PCDH17: variants seen among roughly 807,000 people sequenced by gnomAD.
PCDH17 encodes the protein protocadherin-17.
PCDH17 carries 21 observed loss-of-function variants against 67.7 expected under a neutral mutation model. The ratio of observed to expected loss-of-function variants is 0.31; its 90% confidence interval spans 0.22 to 0.45. PCDH17 has a LOEUF of 0.45. PCDH17 is among the 20% of genes least tolerant of loss of function. The pLI is 1.00. For synonymous variants in PCDH17, 701 were observed against 656.7 expected, an observed-to-expected ratio of 1.07 and a Z score of -1.03; for missense variants, 1,471 against 1,564.8, an observed-to-expected ratio of 0.94 and a Z score of 1.01.
intron 1 of PCDH17, among the ~76,000 whole-genome samples, chr13:57,657,342 A>G (rs1343895097): frequency 6.6e-6 from 1 of 152,200 alleles, no homozygotes; most frequent in Non-Finnish European, 1.5e-5. Context: ...CTTTAGTAGC[A>G]AAACACAAAT....
At chr13:57,679,126 T>A (rs1345237559) in intron 3 of PCDH17, among the ~76,000 whole-genome samples, 1 of 151,474 alleles carries the variant, frequency 6.6e-6, no homozygotes, top group Non-Finnish European at 1.5e-5. Context: ...AGTAACAAAG[T>A]TACTTCAAGA....
Position 57,725,201 on chromosome 13 carries a change from C to G in PCDH17, c.3387C>G (p.Gly1129=). The G allele has an allele frequency of 6.2e-7, 1 of 1,613,512 alleles. No homozygotes were observed. The highest frequency in any genetic ancestry group is 8.5e-7 in the Non-Finnish European group (1 of 1,179,936). The change falls in exon 4 of 4, where the codon GGC becomes GGG. Residue 1129 remains glycine, a synonymous_variant. Transcript: ENST00000377918. ...TTGACCACCCCAACAGGGATCTGGG[C>G]AGAGAGTCTGTGGATGCAGAGGAAG... ...EQLDHPNRDL[G]RESVDAEEVV...
intron 3 of PCDH17, among the ~76,000 whole-genome samples, chr13:57,722,906 G>T (rs1049915856): frequency 2.0e-5 from 3 of 151,972 alleles, no homozygotes; most frequent in Admixed American, 1.3e-4. Flanking sequence ...ACTATACCTG[G>T]CCAATATTGA....
At chr13:57,710,797 T>C (rs1334660077) in intron 3 of PCDH17, among the ~76,000 whole-genome samples, 2 of 152,094 alleles carry the variant, frequency 1.3e-5, no homozygotes, top group East Asian at 1.9e-4. Flanking sequence ...TTTTTCTTGC[T>C]TTATTCATGC....
At position 57,723,948 on chromosome 13, in the gene PCDH17, C is replaced by G. The variant is rs546158193; in HGVS notation, c.2798-664C>G. On this transcript the variant is annotated intron_variant, in intron 3 of 3. Coordinates refer to ENST00000377918, the MANE Select transcript of PCDH17 (RefSeq NM_001040429.3). ...AAATGCATTTTCACCTACTTACACC[C>G]AAAACAAAAAGCTGAACAGAAAACT... 5.9e-5 allele frequency among the ~76,000 whole-genome samples: 9 copies of G among 152,144 alleles called. No individual in the cohort carries two copies. In the South Asian group the frequency reaches 1.7e-3, roughly 28 times the overall value.
chr13:57,643,323 T>G (rs1376368709), intron 1 of PCDH17, among the ~76,000 whole-genome samples: 1 of 151,682 alleles, frequency 6.6e-6, no homozygotes, highest in African/African-American at 2.4e-5. Context: ...AGAAAAAAGT[T>G]ATTTTAGTAA....
chr13:57,678,180 T>C (rs953045565), intron 3 of PCDH17, among the ~76,000 whole-genome samples: 2 of 151,680 alleles, frequency 1.3e-5, no homozygotes, highest in Non-Finnish European at 3.0e-5. Flanking sequence ...CATCATATTG[T>C]ATATGATAAA....
intron 3 of PCDH17, among the ~76,000 whole-genome samples, chr13:57,724,290 A>C (rs544556882): frequency 6.6e-6 from 1 of 152,286 alleles, no homozygotes; most frequent in African/African-American, 2.4e-5. Context: ...AGTTATACAG[A>C]ACAAAGACTA....
chr13:57,718,119 TGA>T (rs1955838392), intron 3 of PCDH17, among the ~76,000 whole-genome samples: 1 of 152,046 alleles, frequency 6.6e-6, no homozygotes, highest in Non-Finnish European at 1.5e-5. Flanking sequence ...TGTGCACAAG[TGA>T]GACACATGGG....
At chr13:57,652,017 G>T (rs1434451226) in intron 1 of PCDH17, among the ~76,000 whole-genome samples, 1 of 152,008 alleles carries the variant, frequency 6.6e-6, no homozygotes, top group African/African-American at 2.4e-5. Flanking sequence ...GGTGGCTCAC[G>T]CCTGTAATCC....
Position 57,727,976 on chromosome 13 carries a change from G to T in PCDH17, c.*2682G>T, listed in dbSNP as rs1293728085. On this transcript the variant is annotated 3_prime_UTR_variant, in exon 4 of 4. Transcript: ENST00000377918. ...GTCTGAGGACATTAAAACACCATAA[G>T]GTTGTAATAATTGGTTGTGCCAATG... 2 of 152,644 alleles carry T rather than the reference G, an allele frequency of 1.3e-5. No homozygotes were observed. The highest frequency in any genetic ancestry group is 1.5e-5 in the Non-Finnish European group (1 of 67,964). 9.5% of individuals were successfully genotyped at this position (152,644 alleles called of 1,614,324 possible). A position where few individuals can be genotyped will look rare whatever the true frequency, so the allele number is the denominator to read the frequency against.
At position 57,718,662 on chromosome 13, in the gene PCDH17, G is replaced by T. The variant is rs546923092; in HGVS notation, c.2798-5950G>T. On this transcript the variant is annotated intron_variant, in intron 3 of 3. Transcript: ENST00000377918. The stretch of plus-strand genomic sequence containing the variant: ...ATGTTAGAAAAGTGTCAGTTCACAG[G>T]ATGTTGTAAATTATGTCAACTCACT... Among the ~76,000 whole-genome samples, 13 of 152,030 alleles carry T rather than the reference G, an allele frequency of 8.6e-5. No individual in the cohort carries two copies. In the East Asian group the frequency reaches 2.3e-3, roughly 27 times the overall value.
At chr13:57,644,596 C>G (rs73205365) in intron 1 of PCDH17, among the ~76,000 whole-genome samples, 6 of 151,292 alleles carry the variant, frequency 4.0e-5, no homozygotes, top group South Asian at 2.1e-4. Context: ...TACAATACCC[C>G]CCTTGGGCAG....
chr13:57,673,580 A>G (rs906744127), intron 3 of PCDH17, among the ~76,000 whole-genome samples: 1 of 151,974 alleles, frequency 6.6e-6, no homozygotes, highest in Non-Finnish European at 1.5e-5. Context: ...CAATTTTTAA[A>G]AGAAATGCTG....
intron 1 of PCDH17, among the ~76,000 whole-genome samples, chr13:57,646,958 C>A (rs1351998908): frequency 6.6e-6 from 1 of 151,818 alleles, no homozygotes; most frequent in African/African-American, 2.4e-5. Flanking sequence ...CTACAAGAAG[C>A]CCTGTGTGCC....
Position 57,633,388 on chromosome 13 carries a change from C to G in PCDH17, c.842C>G (p.Ser281Cys). ...GGTCCCAATGGTGAAGTGCTCTACT[C>G]TTTCAGCAGCTACGTGCCTGACCGC... is the stretch of plus-strand genomic sequence containing the variant. ...DEGPNGEVLYSFSSYVPDRVR... is the reference protein window; with the variant it reads ...DEGPNGEVLYCFSSYVPDRVR... The change falls in exon 1 of 4, where the codon TCT becomes TGT. Residue 281 changes from serine (S) to cysteine (C), a missense_variant. Transcript: ENST00000377918. This position sits in a 1 kb window ranked among gnomAD's most constrained non-coding sequence, Gnocchi z 6.2. 6.2e-7 allele frequency: 1 copy of G among 1,613,352 alleles called. No individual in the cohort carries two copies. The highest frequency in any genetic ancestry group is 8.5e-7 in the Non-Finnish European group (1 of 1,180,026).
intron 3 of PCDH17, among the ~76,000 whole-genome samples, chr13:57,702,933 C>T (rs1027208612): frequency 6.6e-6 from 1 of 152,168 alleles, no homozygotes; most frequent in Non-Finnish European, 1.5e-5. Flanking sequence ...CTGCCTATCT[C>T]TCTGCAAAAG....
At chr13:57,704,574 A>T (rs1955700329) in intron 3 of PCDH17, among the ~76,000 whole-genome samples, 1 of 151,812 alleles carries the variant, frequency 6.6e-6, no homozygotes, top group Admixed American at 6.6e-5. Context: ...CAAAAAAAAA[A>T]AACAAAAAAA....
At chr13:57,663,631 C>T (rs1023941470) in intron 1 of PCDH17, among the ~76,000 whole-genome samples, 7 of 152,210 alleles carry the variant, frequency 4.6e-5, no homozygotes, top group Non-Finnish European at 2.9e-5. Flanking sequence ...ATGGCTATTA[C>T]GTTATGGTAA....
Sources: gnomAD v4.1 joint callset for allele counts (sites outside exome capture counted in the v4.1 genomes callset) on GRCh38, gnomAD v4.1.1 for gene constraint, Gnocchi (gnomAD v3.1) non-coding constraint, MANE v1.5 for transcripts, NCBI Gene and HGNC (gene_info 2026-07-23, HGNC 2026-07-21) for gene names.